CFAP54: variants seen among roughly 807,000 people sequenced by gnomAD.
CFAP54 encodes the protein cilia- and flagella-associated protein 54.
CFAP54 carries 290 observed loss-of-function variants against 370.4 expected under a neutral mutation model. The observed-to-expected ratio is 0.78, with a 90% CI of 0.71 to 0.86. The LOEUF (loss-of-function observed/expected upper bound fraction) is 0.86, where lower values mean the gene tolerates loss of function less well. Among genes scored for constraint, CFAP54 ranks in the 40% least tolerant of loss-of-function variants. CFAP54 has a pLI of 0.00. For missense variants in CFAP54, 3,399 were observed against 3,528.7 expected (o/e 0.96, Z 0.93); for synonymous variants, 1,206 against 1,236.5 (o/e 0.98, Z 0.52).
At chr12:96,849,667 AC>A (rs1011418120) in intron 66 of CFAP54, among the ~76,000 whole-genome samples, 4 of 152,206 alleles carry the variant, frequency 2.6e-5, no homozygotes, top group African/African-American at 9.7e-5. Context: ...TTGGCAAATA[AC>A]CTTTAACTCT....
chr12:96,599,632 A>G (rs986350791), intron 26 of CFAP54, among the ~76,000 whole-genome samples: 27 of 152,212 alleles, frequency 1.8e-4, no homozygotes, highest in Non-Finnish European at 4.4e-5. Flanking sequence ...TCAACAGTGT[A>G]AAAACGTTGT....
rs1958711294 is a variant in CFAP54, at chr12:96,792,465, C to T, written c.8816C>T (p.Pro2939Leu). Reference sequence around the variant, plus strand: ...CTTTGCTTTCAATGGTACATTCCTCCCCTGGATAGACCTCCCAAGGAGACA... The same window carrying T: ...CTTTGCTTTCAATGGTACATTCCTCTCCTGGATAGACCTCCCAAGGAGACA... ...KELCFQWYIP[P>L]LDRPPKETEP... The change falls in exon 63 of 68, where the codon CCC becomes CTC. Residue 2939 changes from proline to leucine, a missense_variant. By Grantham distance (98) the Pro-to-Leu change is moderately conservative. Around this residue, in one of 3 missense-constraint regions of CFAP54, gnomAD observed 2,796 missense variants for 2,869.7 expected, o/e 0.97. Transcript: ENST00000524981. The T allele has an allele frequency of 4.6e-6, 7 of 1,535,720 alleles. No homozygotes were observed. The East Asian group carries it at 1.5e-4, about 32-fold the overall frequency.
chr12:96,669,032 T>C (rs1957113243), intron 39 of CFAP54, among the ~76,000 whole-genome samples: 1 of 152,136 alleles, frequency 6.6e-6, no homozygotes, highest in Non-Finnish European at 1.5e-5. Flanking sequence ...TTAAAGGAGA[T>C]GAATAAAAAA....
intron 22 of CFAP54, among the ~76,000 whole-genome samples, chr12:96,586,800 TG>T (rs1956079521): frequency 1.3e-5 from 2 of 152,070 alleles, no homozygotes; most frequent in South Asian, 4.1e-4. Flanking sequence ...TTTGGAGTAG[TG>T]GTATGATGTA....
intron 32 of CFAP54, among the ~76,000 whole-genome samples, chr12:96,631,621 G>A (rs1165496737): frequency 4.0e-5 from 6 of 149,430 alleles, no homozygotes; most frequent in East Asian, 1.9e-4. Context: ...AGTGTAATGC[G>A]TTACATTATT....
intron 60 of CFAP54, among the ~76,000 whole-genome samples, chr12:96,780,430 C>G (rs947690158): frequency 6.6e-6 from 1 of 151,980 alleles, no homozygotes; most frequent in African/African-American, 2.4e-5. Flanking sequence ...GAAAAAGACC[C>G]CTTCTTTACA....
intron 61 of CFAP54, among the ~76,000 whole-genome samples, chr12:96,786,359 T>G (rs1958628918): frequency 6.6e-6 from 1 of 152,102 alleles, no homozygotes; most frequent in Non-Finnish European, 1.5e-5. Flanking sequence ...TTTTATATTT[T>G]TAGTAGAGAT....
At chr12:96,771,374 C>T (rs966244012) in intron 60 of CFAP54, among the ~76,000 whole-genome samples, 17 of 152,180 alleles carry the variant, frequency 1.1e-4, no homozygotes, top group African/African-American at 3.9e-4. Context: ...ACTTTAGTCC[C>T]GGAAGCAGTG....
At chr12:96,497,401 T>C (rs1336864456) in intron 1 of CFAP54, among the ~76,000 whole-genome samples, 1 of 152,190 alleles carries the variant, frequency 6.6e-6, no homozygotes, top group Non-Finnish European at 1.5e-5. Flanking sequence ...AAAGCTACAG[T>C]ATTCAAGATA....
At position 96,626,842 on chromosome 12, in the gene CFAP54, C is replaced by G; in HGVS notation, c.4006C>G (p.Leu1336Val). 1 of 1,405,932 alleles carries G rather than the reference C, an allele frequency of 7.1e-7. No homozygotes were observed. Among genetic ancestry groups the G allele is most frequent in the African/African-American group, 1.4e-5 (1 of 70,110 alleles). 87.1% of individuals were successfully genotyped at this position (1,405,932 alleles called of 1,614,324 possible). ...VMKFKQKPRF[L>V]EFFTQVMLKC... ...GAAATTTAAGCAAAAACCAAGATTT[C>G]TGGAATTCTTTACACAAGTTATGCT... The change falls in exon 30 of 68, where the codon CTG becomes GTG. Residue 1336 changes from leucine to valine, a missense_variant. Leu to Val is a conservative substitution (Grantham distance 32). This residue lies in a region of CFAP54 where 2,796 missense variants were observed against 2,869.7 expected (regional missense o/e 0.97). Transcript: ENST00000524981.
At chr12:96,786,060 ACT>A in intron 61 of CFAP54, among the ~76,000 whole-genome samples, 1 of 152,270 alleles carries the variant, frequency 6.6e-6, no homozygotes, top group Non-Finnish European at 1.5e-5. Flanking sequence ...TTTCAAATAA[ACT>A]GTCTACAAAT....
At chr12:96,730,384 C>T (rs1463936089) in intron 50 of CFAP54, among the ~76,000 whole-genome samples, 1 of 152,116 alleles carries the variant, frequency 6.6e-6, no homozygotes, top group Admixed American at 6.5e-5. Flanking sequence ...GATGAAGAAA[C>T]AGCCATAACA....
In CFAP54 at chr12:96,657,875, C is replaced by G; in HGVS notation, c.5101-7C>G. The G allele has an allele frequency of 1.3e-6, 2 of 1,580,350 alleles. No individual in the cohort carries two copies. The highest frequency in any genetic ancestry group is 4.5e-5 in the East Asian group (2 of 44,460). On this transcript the variant is annotated splice_polypyrimidine_tract_variant and splice_region_variant and intron_variant, in intron 36 of 67. Transcript: ENST00000524981. ...ACACATTTTTTTTTTCACTGTGCTA[C>G]TTGCAGCCTATTGAAGACAAAGGAG...
intron 60 of CFAP54, among the ~76,000 whole-genome samples, chr12:96,773,846 T>C (rs955247104): frequency 2.6e-5 from 4 of 152,230 alleles, no homozygotes; most frequent in African/African-American, 9.6e-5. Flanking sequence ...GTACATAGGC[T>C]AGTATATCTA....
chr12:96,608,218 A>C (rs971604173), intron 26 of CFAP54, among the ~76,000 whole-genome samples: 9 of 152,148 alleles, frequency 5.9e-5, no homozygotes, highest in Admixed American at 5.9e-4. Flanking sequence ...ACCTTGACCT[A>C]AAACTTCCAT....
intron 55 of CFAP54, among the ~76,000 whole-genome samples, chr12:96,750,285 T>TGCAGCAGCAGCAGCA (rs372696653): frequency 6.6e-6 from 1 of 151,516 alleles, no homozygotes; most frequent in Admixed American, 6.6e-5. Flanking sequence ...ACCTGTCTCC[T>TGCAGCAGCAGCAGCA]GCAGCAGCAG....
At chr12:96,521,774 C>A in intron 6 of CFAP54, 83 bp from the exon 7 acceptor site, 2 of 1,018,952 alleles carry the variant, frequency 2.0e-6, no homozygotes, top group Non-Finnish European at 2.8e-6. Context: ...AAATCAAATG[C>A]CTGGGAGAAC....
intron 30 of CFAP54, among the ~76,000 whole-genome samples, chr12:96,628,367 A>G (rs540745861): frequency 2.0e-5 from 3 of 152,306 alleles, no homozygotes; most frequent in African/African-American, 7.2e-5. Flanking sequence ...TATTCAATGG[A>G]TGAAGGTTCT....
At chr12:96,743,155 T>C (rs1259157387) in intron 52 of CFAP54, among the ~76,000 whole-genome samples, 1 of 152,218 alleles carries the variant, frequency 6.6e-6, no homozygotes, top group Non-Finnish European at 1.5e-5. Context: ...TTTCTATCCA[T>C]CTTCCAAATT....
Sources: gnomAD v4.1 joint callset for allele counts (sites outside exome capture counted in the v4.1 genomes callset) on GRCh38, gnomAD v4.1.1 for gene constraint, gnomAD v4.1.1 regional missense constraint, MANE v1.5 for transcripts, NCBI Gene and HGNC (gene_info 2026-07-23, HGNC 2026-07-21) for gene names.